Variants in RAB33A observed in about 807,000 individuals in gnomAD.
RAB33A encodes ras-related protein Rab-33A.
In RAB33A, 6 loss-of-function variants were observed where a neutral mutation model predicts 12.0. The observed-to-expected ratio is 0.50, with a 90% CI of 0.27 to 0.99. The LOEUF (loss-of-function observed/expected upper bound fraction) is 0.99, where lower values mean the gene tolerates loss of function less well. Ranked by LOEUF, RAB33A falls within the 50% of genes least tolerant of loss-of-function variation. The pLI is 0.11. For missense variants in RAB33A, 109 were observed against 192.0 expected, an observed-to-expected ratio of 0.57 and a Z score of 2.55; for synonymous variants, 70 against 82.4, an observed-to-expected ratio of 0.85 and a Z score of 0.81.
chrX:130,146,780 A>T, the RAB33A span, among the ~76,000 whole-genome samples: 1 of 111,341 alleles, frequency 9.0e-6, no homozygotes, highest in African/African-American at 3.3e-5. Flanking sequence ...TCTACTCCTG[A>T]AATTCTAAAT....
the RAB33A span, chrX:130,137,811 C>T: frequency 3.4e-6 from 3 of 893,961 alleles, no homozygotes; most frequent in South Asian, 1.4e-4. Flanking sequence ...ACCTATAATC[C>T]CAGCACTTTG....
the RAB33A span, among the ~76,000 whole-genome samples, chrX:130,149,174 G>A: frequency 2.7e-5 from 3 of 111,071 alleles, no homozygotes; most frequent in Non-Finnish European, 5.7e-5. Flanking sequence ...CGCACATCTC[G>A]GCCTCACAAA....
chrX:130,150,577 T>G, the RAB33A span, among the ~76,000 whole-genome samples: 1 of 105,685 alleles, frequency 9.5e-6, no homozygotes, highest in Non-Finnish European at 2.0e-5. Context: ...CCTCGTGATC[T>G]GCCCGCCTCG....
intron 1 of RAB33A, among the ~76,000 whole-genome samples, chrX:130,174,996 CAATAAT>C (rs112030850): frequency 9.1e-6 from 1 of 110,283 alleles, no homozygotes; most frequent in African/African-American, 3.3e-5. Context: ...AATGAGTAGG[CAATAAT>C]AATAATAATA....
the RAB33A span, among the ~76,000 whole-genome samples, chrX:130,125,352 A>AG: frequency 4.5e-5 from 5 of 111,794 alleles, no homozygotes; most frequent in African/African-American, 1.6e-4. Flanking sequence ...CCAGCCAGGC[A>AG]GGGGAACGTC....
the RAB33A span, among the ~76,000 whole-genome samples, chrX:130,119,076 G>A: frequency 4.7e-3 from 527 of 111,490 alleles, 1 homozygote; most frequent in African/African-American, 0.015. Flanking sequence ...AGGTGGCCAG[G>A]GACGGGAGAG....
At chrX:130,155,815 C>T in the RAB33A span, among the ~76,000 whole-genome samples, 1 of 111,678 alleles carries the variant, frequency 9.0e-6, no homozygotes, top group African/African-American at 3.3e-5. Flanking sequence ...AAAAAACACC[C>T]ACAAAATAAT....
the RAB33A span, chrX:130,130,071 C>T: frequency 1.7e-6 from 2 of 1,211,824 alleles, no homozygotes; most frequent in African/African-American, 3.5e-5. Flanking sequence ...TAGTCCTCCC[C>T]CTGGACGGGA....
chrX:130,178,472 T>C (rs372123997), intron 1 of RAB33A, among the ~76,000 whole-genome samples: 1 of 108,152 alleles, frequency 9.2e-6, no homozygotes, highest in Non-Finnish European at 1.9e-5. Flanking sequence ...CTACAAAAAA[T>C]ACAAAAATTA....
At chrX:130,173,940 A>C (rs1319763025) in intron 1 of RAB33A, among the ~76,000 whole-genome samples, 2 of 111,962 alleles carry the variant, frequency 1.8e-5, no homozygotes, top group Non-Finnish European at 3.8e-5. Context: ...TGAGCCAAAG[A>C]GTTCCCTGGA....
the RAB33A span, among the ~76,000 whole-genome samples, chrX:130,122,769 C>G: frequency 9.0e-6 from 1 of 111,702 alleles, no homozygotes; most frequent in South Asian, 3.7e-4. Flanking sequence ...ACAACAGTCC[C>G]ACTGTCAAGC....
At chrX:130,129,748 G>T in the RAB33A span, 1 of 786,333 alleles carries the variant, frequency 1.3e-6, no homozygotes, top group Non-Finnish European at 1.9e-6. Flanking sequence ...TGTGGGAACA[G>T]TTCTCTACTA....
At chrX:130,139,084 G>A in the RAB33A span, among the ~76,000 whole-genome samples, 16 of 110,695 alleles carry the variant, frequency 1.4e-4, no homozygotes, top group African/African-American at 5.3e-4. Context: ...CAATACTGCA[G>A]AGGCTGACAA....
the RAB33A span, among the ~76,000 whole-genome samples, chrX:130,121,628 G>A: frequency 8.9e-6 from 1 of 112,767 alleles, no homozygotes; most frequent in Non-Finnish European, 1.9e-5. Context: ...TGGGAGGGCG[G>A]TGGCGCGTGG....
At chrX:130,175,092 C>T (rs773581916) in intron 1 of RAB33A, among the ~76,000 whole-genome samples, 23 of 111,780 alleles carry the variant, frequency 2.1e-4, no homozygotes, top group Admixed American at 1.5e-3. Flanking sequence ...CTCACAGCAG[C>T]TTTATGAAAT....
the RAB33A span, among the ~76,000 whole-genome samples, chrX:130,154,333 C>T: frequency 8.9e-6 from 1 of 112,148 alleles, no homozygotes; most frequent in Non-Finnish European, 1.9e-5. Context: ...AACTCTGGTA[C>T]AGCAACACGG....
At chrX:130,138,228 G>A in the RAB33A span, among the ~76,000 whole-genome samples, 2 of 111,507 alleles carry the variant, frequency 1.8e-5, no homozygotes, top group Non-Finnish European at 3.8e-5. Flanking sequence ...CACTTTGGGA[G>A]GCCAAGGTGG....
chrX:130,117,049 TA>T, the RAB33A span, among the ~76,000 whole-genome samples: 15 of 110,932 alleles, frequency 1.4e-4, no homozygotes, highest in Middle Eastern at 4.3e-3. Flanking sequence ...CTGTCTCTAT[TA>T]AAAAATACAA....
chrX:130,134,870 A>G, the RAB33A span, among the ~76,000 whole-genome samples: 1 of 111,875 alleles, frequency 8.9e-6, no homozygotes, highest in Non-Finnish European at 1.9e-5. Context: ...CAAAGTCTGA[A>G]GCAACATAGA....
Sources: allele counts gnomAD v4.1 joint callset (sites outside exome capture counted in the v4.1 genomes callset), GRCh38; gene constraint gnomAD v4.1.1; transcripts MANE v1.5; gene names NCBI Gene and HGNC (gene_info 2026-07-23, HGNC 2026-07-21).